PCNX3: variants seen among roughly 807,000 people sequenced by gnomAD.
The protein encoded by PCNX3 is pecanex 3.
A neutral mutation model predicts 207.2 loss-of-function variants in PCNX3; 58 were observed. That is an observed-to-expected ratio of 0.28 (90% confidence interval 0.23 to 0.35). The LOEUF (loss-of-function observed/expected upper bound fraction) is 0.35. Among genes scored for constraint, PCNX3 ranks in the 10% least tolerant of loss-of-function variants. PCNX3 has a pLI of 1.00. For synonymous variants in PCNX3, 1,337 were observed against 1,183.5 expected (o/e 1.13, Z -2.66); for missense variants, 2,410 against 2,774.4 (o/e 0.87, Z 2.95).
chr11:65,621,115 C>CAAAGATCAGGACAGA, intron 10 of PCNX3, 149 bp downstream of exon 10: 1 of 1,097,084 alleles, frequency 9.1e-7, no homozygotes. Context: ...CTGTGTCTGT[C>CAAAGATCAGGACAGA]CTGATCTTTG....
chr11:65,632,752 T>A (rs1446805187), intron 27 of PCNX3, among the ~76,000 whole-genome samples: 2 of 150,488 alleles, frequency 1.3e-5, no homozygotes, highest in South Asian at 2.2e-4. Context: ...TTCTTTTTTT[T>A]ATTTTTTTTT....
intron 8 of PCNX3, 48 bp downstream of exon 8, chr11:65,619,980 C>G: frequency 1.3e-6 from 2 of 1,537,670 alleles, no homozygotes; most frequent in Non-Finnish European, 1.8e-6. Flanking sequence ...CGCCTTCCCC[C>G]AACAGCCTGA....
In PCNX3 at chr11:65,636,698, C is replaced by T. The variant is rs1272235577; in HGVS notation, c.5892+9C>T. 1 of 1,571,812 alleles carries T rather than the reference C, an allele frequency of 6.4e-7. No homozygotes were observed. The highest frequency in any genetic ancestry group is 8.6e-7 in the Non-Finnish European group (1 of 1,160,608). ...GTACCCCCAAATCTCAGGTAAGGCA[C>T]CTGTGGGAGGGTTGGGTCCCAGAAG... On this transcript the variant is annotated intron_variant, in intron 34 of 34. Coordinates refer to ENST00000355703, the MANE Select transcript of PCNX3 (RefSeq NM_032223.4).
chr11:65,624,222 C>T lies in PCNX3; in HGVS notation c.2572C>T (p.Arg858Cys), dbSNP rs1198824348. The change falls in exon 14 of 35, where the codon CGT (arginine) becomes TGT (cysteine). Residue 858 changes from arginine to cysteine, a missense_variant. Arg to Cys is a radical substitution (Grantham distance 180). Around this residue, in one of 8 missense-constraint regions of PCNX3, gnomAD observed 177 missense variants for 257.5 expected, o/e 0.69. Transcript: ENST00000355703. ...CCACAACTGGGTGATCGCGTACAGC[C>T]GTCCTGTCTACTTCTGCATCTGCTG... ...HGHNWVIAYS[R>C]PVYFCICCLL... 1.2e-6 allele frequency: 2 copies of T among 1,607,920 alleles called. No homozygotes were observed. Among genetic ancestry groups the T allele is most frequent in the Non-Finnish European group, 1.7e-6 (2 of 1,177,790 alleles).
Position 65,624,524 on chromosome 11 carries a change from A to G in PCNX3, c.2770A>G (p.Asn924Asp), listed in dbSNP as rs746480094. 1.9e-6 allele frequency: 3 copies of G among 1,609,436 alleles called. No individual in the cohort carries two copies. The highest frequency in any genetic ancestry group is 1.3e-5 in the African/African-American group (1 of 74,842). ...VFLLGLLPQV[N>D]TCLMYLLEQI... ...CCTCCTGGGCCTCCTGCCCCAGGTC[A>G]ACACCTGCCTCATGTACCTGCTGGA... The change falls in exon 15 of 35, where the codon AAC becomes GAC. Residue 924 changes from asparagine to aspartate, a missense_variant. By Grantham distance (23) the Asn-to-Asp change is conservative. Coordinates refer to ENST00000355703, the MANE Select transcript of PCNX3 (RefSeq NM_032223.4).
At chr11:65,634,763 C>T (rs1257436477) in intron 29 of PCNX3, 122 bp downstream of exon 29, 3 of 1,177,694 alleles carry the variant, frequency 2.5e-6, no homozygotes, top group East Asian at 2.6e-5. Flanking sequence ...TGTTGGGGTA[C>T]CTCTTCTCCC....
rs957264615 is a variant in PCNX3 at position 65,620,891 on chromosome 11, C to A, written c.2160C>A (p.Gly720=). Residue 720 remains glycine (G), a synonymous_variant, in exon 10 of 35, where the codon GGC becomes GGA. Coordinates refer to ENST00000355703, the MANE Select transcript of PCNX3 (RefSeq NM_032223.4). ...CTGATGTCCCTGAGGCTACAGGCGGCCTGAACCTGCTGCAGCCGAGGCCTG... is the reference window on the plus strand; with the variant it reads ...CTGATGTCCCTGAGGCTACAGGCGGACTGAACCTGCTGCAGCCGAGGCCTG... ...HSADVPEATG[G]LNLLQPRPVV... The A allele has an allele frequency of 1.3e-6, 2 of 1,574,862 alleles. No individual in the cohort carries two copies. Among genetic ancestry groups the A allele is most frequent in the Non-Finnish European group, 1.7e-6 (2 of 1,161,088 alleles).
At position 65,624,478 on chromosome 11, in the gene PCNX3, C is replaced by G; in HGVS notation, c.2724C>G (p.Thr908=). 1 of 1,598,092 alleles carries G rather than the reference C, an allele frequency of 6.3e-7. No individual in the cohort carries two copies. Among genetic ancestry groups the G allele is most frequent in the Non-Finnish European group, 8.5e-7 (1 of 1,172,140 alleles). Residue 908 remains threonine, a synonymous_variant, in exon 15 of 35, where the codon ACC becomes ACG. Coordinates refer to ENST00000355703, the MANE Select transcript of PCNX3 (RefSeq NM_032223.4). Reference sequence around the variant, plus strand: ...GTGTCCCCTCCCTGCCAGTGTTCACCCTGTGCTTCCCCTTCGTCTTCCTCC... The same window carrying G: ...GTGTCCCCTCCCTGCCAGTGTTCACGCTGTGCTTCCCCTTCGTCTTCCTCC... The part of the protein sequence containing the change: ...FCARDVATVF[T]LCFPFVFLLG...
chr11:65,626,692 C>T (rs959933596), intron 20 of PCNX3: 17 of 623,692 alleles, frequency 2.7e-5, no homozygotes, highest in Non-Finnish European at 4.1e-5. Flanking sequence ...AGCAGAGCAC[C>T]TGCCATAAAG....
chr11:65,617,099 A>G, intron 2 of PCNX3, 88 bp downstream of exon 2: 2 of 1,432,516 alleles, frequency 1.4e-6, no homozygotes, highest in Non-Finnish European at 1.9e-6. Flanking sequence ...CTTAGGGAAC[A>G]TTGGCTCTCT....
intron 6 of PCNX3, 166 bp from the exon 7 acceptor site, chr11:65,619,371 C>T (rs1041709436): frequency 1.1e-6 from 1 of 915,226 alleles, no homozygotes; most frequent in South Asian, 5.0e-5. Flanking sequence ...TCCTTGTTTG[C>T]AAGTAAGGAA....
chr11:65,632,343 T>A (rs1590902282), intron 27 of PCNX3, among the ~76,000 whole-genome samples: 1 of 151,530 alleles, frequency 6.6e-6, no homozygotes, highest in Non-Finnish European at 1.5e-5. Context: ...GGGAGCCTGG[T>A]GCATCTGGGG....
At chr11:65,627,615 T>C in intron 22 of PCNX3, 33 bp downstream of exon 22, 1 of 1,608,660 alleles carries the variant, frequency 6.2e-7, no homozygotes, top group Non-Finnish European at 8.5e-7. Context: ...GACCCCAGGC[T>C]GTCCAATGGG....
chr11:65,623,576 T>G lies in PCNX3; in HGVS notation c.2443T>G (p.Phe815Val). The change falls in exon 12 of 35, where the codon TTC (phenylalanine) becomes GTC (valine). Residue 815 changes from phenylalanine to valine, a missense_variant. Phe to Val is a conservative substitution (Grantham distance 50, BLOSUM62 -1). Coordinates refer to ENST00000355703, the MANE Select transcript of PCNX3 (RefSeq NM_032223.4). ...GGGCTACCTGCTGCTGCTCAAGGGC[T>G]TCTTCACTGACATCTGGGTCTTCCA... The part of the protein sequence containing the change: ...FLGYLLLLKG[F>V]FTDIWVFQFC... 6.2e-7 allele frequency: 1 copy of G among 1,613,994 alleles called. No homozygotes were observed. Among genetic ancestry groups the G allele is most frequent in the Non-Finnish European group, 8.5e-7 (1 of 1,179,862 alleles).
At position 65,636,573 on chromosome 11, in the gene PCNX3, C is replaced by T. The variant is rs1364069257; in HGVS notation, c.5776C>T (p.Leu1926Phe). Residue 1926 changes from leucine to phenylalanine, a missense_variant, in exon 34 of 35, where the codon CTC (leucine) becomes TTC (phenylalanine). This residue lies in a region of PCNX3 where 278 missense variants were observed against 245.1 expected (regional missense o/e 1.13). Transcript: ENST00000355703. ...GACCTCACGGCCCCCTGGCCCGGGT[C>T]TCCTCAGTTCTGAGGGCCCCAGTGG... ...PRTSRPPGPG[L>F]LSSEGPSGKW... is the part of the protein sequence containing the mutation. 2.5e-6 allele frequency: 4 copies of T among 1,594,348 alleles called. No homozygotes were observed. Among genetic ancestry groups the T allele is most frequent in the Non-Finnish European group, 3.4e-6 (4 of 1,172,258 alleles).
intron 1 of PCNX3, 42 bp from the exon 2 acceptor site, chr11:65,616,782 C>A: frequency 6.3e-7 from 1 of 1,583,700 alleles, no homozygotes; most frequent in South Asian, 1.1e-5. Flanking sequence ...CCTGTGGGGG[C>A]GAGGCTTTGT....
chr11:65,633,788 C>T (rs907712563), intron 27 of PCNX3, among the ~76,000 whole-genome samples: 7 of 152,186 alleles, frequency 4.6e-5, no homozygotes, highest in South Asian at 2.1e-4. Flanking sequence ...ATCTTGTTCT[C>T]GTTGGGGGCT....
Position 65,618,029 on chromosome 11 carries a change from G to A in PCNX3, c.667G>A (p.Asp223Asn), listed in dbSNP as rs1342983470. 5 of 1,608,320 alleles carry A rather than the reference G, an allele frequency of 3.1e-6. No homozygotes were observed. The African/African-American group carries it at 4.0e-5, about 13-fold the overall frequency. ...DSSEPSPLAG[D>N]GAPWSGSSMA... ...TTCAGAGCCTTCTCCCCTGGCTGGAGATGGAGCGCCCTGGAGTGGGAGCAG... is the reference window on the plus strand; with the variant it reads ...TTCAGAGCCTTCTCCCCTGGCTGGAAATGGAGCGCCCTGGAGTGGGAGCAG... Residue 223 changes from aspartate (D) to asparagine (N), a missense_variant, in exon 6 of 35, where the codon GAT (aspartate) becomes AAT (asparagine). Transcript: ENST00000355703.
At chr11:65,619,978 C>T in intron 8 of PCNX3, 46 bp downstream of exon 8, 7 of 1,542,128 alleles carry the variant, frequency 4.5e-6, no homozygotes, top group Non-Finnish European at 6.1e-6. Flanking sequence ...CCCGCCTTCC[C>T]CCAACAGCCT....
Sources: gnomAD v4.1 joint callset for allele counts (sites outside exome capture counted in the v4.1 genomes callset) on GRCh38, gnomAD v4.1.1 for gene constraint, gnomAD v4.1.1 regional missense constraint, MANE v1.5 for transcripts, NCBI Gene and HGNC (gene_info 2026-07-23, HGNC 2026-07-21) for gene names.